The following DIDO1 variants were observed in gnomAD, a reference collection of about 807,000 sequenced individuals.
DIDO1 encodes the protein death inducer-obliterator 1, also known as death-inducer obliterator 1.
In DIDO1, 16 loss-of-function variants were observed where a neutral mutation model predicts 99.4. The observed-to-expected ratio is 0.16, with a 90% CI of 0.11 to 0.24. The LOEUF is 0.24. Ranked by LOEUF, DIDO1 falls within the 10% of genes least tolerant of loss-of-function variation. The pLI is 1.00. For synonymous variants in DIDO1, 1,366 were observed against 1,239.1 expected (o/e 1.10, Z -2.15); for missense variants, 2,996 against 3,014.0 (o/e 0.99, Z 0.14).
chr20:62,902,975 G>C (rs1378649819), intron 6 of DIDO1, among the ~76,000 whole-genome samples: 2 of 151,910 alleles, frequency 1.3e-5, no homozygotes, highest in Non-Finnish European at 2.9e-5. Context: ...TAGTCAGTCA[G>C]GTACATCTCA....
At position 62,881,898 on chromosome 20, in the gene DIDO1, C is replaced by G. The variant is rs753349222; in HGVS notation, c.4058G>C (p.Gly1353Ala). The G allele has an allele frequency of 1.2e-6, 2 of 1,613,384 alleles. No individual in the cohort carries two copies. The highest frequency in any genetic ancestry group is 2.2e-5 in the East Asian group (1 of 44,892). The change falls in exon 16 of 16, where the codon GGG becomes GCG. Residue 1353 changes from glycine (G) to alanine (A), a missense_variant. Physicochemically the swap from Gly to Ala is moderately conservative, Grantham distance 60. This residue lies in a region of DIDO1 where 1,562 missense variants were observed against 1,412.6 expected (regional missense o/e 1.11). Transcript: ENST00000395343. The surrounding 1 kb of genome is among the most constrained non-coding windows in gnomAD (Gnocchi z 8.3). Reference protein sequence around the residue: ...PQEPKTTAEDGVPAPPLLDPI... With the variant: ...PQEPKTTAEDAVPAPPLLDPI... Reference sequence around the variant, plus strand: ...ATCTAACAACGGAGGTGCCGGCACCCCGTCCTCTGCTGTGGTTTTGGGCTC... The same window carrying G: ...ATCTAACAACGGAGGTGCCGGCACCGCGTCCTCTGCTGTGGTTTTGGGCTC...
intron 14 of DIDO1, among the ~76,000 whole-genome samples, chr20:62,891,607 AG>A: frequency 6.6e-6 from 1 of 152,326 alleles, no homozygotes; most frequent in East Asian, 1.9e-4. Flanking sequence ...CCCCTGCAAA[AG>A]ACACCTTCTG....
At chr20:62,889,042 G>A (rs2064346584) in intron 15 of DIDO1, 8 of 985,384 alleles carry the variant, frequency 8.1e-6, no homozygotes, top group African/African-American at 1.7e-5. Flanking sequence ...TCCCCGTCAG[G>A]CGGCGTCGTG....
intron 15 of DIDO1, 43 bp downstream of exon 15, chr20:62,890,917 G>C: frequency 6.2e-7 from 1 of 1,612,336 alleles, no homozygotes. Context: ...GAGGGGTGCA[G>C]GTGCAGGTGG....
intron 1 of DIDO1, among the ~76,000 whole-genome samples, chr20:62,934,654 G>C (rs1023316645): frequency 6.6e-6 from 1 of 152,000 alleles, no homozygotes; most frequent in Non-Finnish European, 1.5e-5. Context: ...AACATACTAC[G>C]CTGTCTTCAC....
Position 62,880,754 on chromosome 20 carries a change from G to C in DIDO1, c.5202C>G (p.Ala1734=). Residue 1734 remains alanine, a synonymous_variant, in exon 16 of 16, where the codon GCC becomes GCG. Coordinates refer to ENST00000395343, the MANE Select transcript of DIDO1 (RefSeq NM_001193369.2). The part of the protein sequence containing the change: ...EPQARPGEGT[A]PLPPPGQKVG... ...CTTTCTGTCCTGGTGGGGGGAGCGG[G>C]GCGGTGCCCTCGCCGGGTCTGGCCT... 6.2e-7 allele frequency: 1 copy of C among 1,612,734 alleles called. No individual in the cohort carries two copies. Among genetic ancestry groups the C allele is most frequent in the Non-Finnish European group, 8.5e-7 (1 of 1,179,902 alleles).
At chr20:62,924,620 A>C (rs2065218228) in intron 1 of DIDO1, among the ~76,000 whole-genome samples, 1 of 152,190 alleles carries the variant, frequency 6.6e-6, no homozygotes, top group South Asian at 2.1e-4. Flanking sequence ...TGCCCATTCC[A>C]ATCATTTCCT....
chr20:62,918,894 G>A (rs1194721215), intron 1 of DIDO1, among the ~76,000 whole-genome samples: 2 of 152,108 alleles, frequency 1.3e-5, no homozygotes, highest in Admixed American at 1.3e-4. Context: ...ACAAATGAAG[G>A]AAAGATTACC....
rs1237328646 is a variant in DIDO1 at position 62,885,300 on chromosome 20, G to A, written c.3542-2886C>T. Among the ~76,000 whole-genome samples, 4 of 152,258 alleles carry A rather than the reference G, an allele frequency of 2.6e-5. No individual in the cohort carries two copies. In the South Asian group the frequency reaches 8.3e-4, roughly 32 times the overall value. On this transcript the variant is annotated intron_variant, in intron 15 of 15. Transcript: ENST00000395343. ...GGCCTCGTGTGGGGAAGTTACCTGG[G>A]GAAGCCTAGTGCTGACTCTGACACA... is the stretch of plus-strand genomic sequence containing the variant.
rs1342674030 is a variant in DIDO1, at chr20:62,880,262, A to T, written c.5694T>A (p.Ser1898=). 1 of 1,612,578 alleles carries T rather than the reference A, an allele frequency of 6.2e-7. No homozygotes were observed. Among genetic ancestry groups the T allele is most frequent in the Non-Finnish European group, 8.5e-7 (1 of 1,179,944 alleles). ...QFGGQRRPLL[S]QLKGPRGGPP... ...GGCCGCCTCGGGGGCCTTTCAGCTGAGACAGCAGTGGCCTTCTCTGGCCTC... is the reference window on the plus strand; with the variant it reads ...GGCCGCCTCGGGGGCCTTTCAGCTGTGACAGCAGTGGCCTTCTCTGGCCTC... The change falls in exon 16 of 16, where the codon TCT becomes TCA. Residue 1898 remains serine (S), a synonymous_variant. Coordinates refer to ENST00000395343, the MANE Select transcript of DIDO1 (RefSeq NM_001193369.2).
chr20:62,927,270 G>T (rs1206852642), upstream of DIDO1, among the ~76,000 whole-genome samples: 1 of 152,250 alleles, frequency 6.6e-6, no homozygotes, highest in Non-Finnish European at 1.5e-5. Flanking sequence ...CTCAAAGAAC[G>T]CATGGACATG....
chr20:62,927,455 G>C (rs1422894067), upstream of DIDO1, among the ~76,000 whole-genome samples: 1 of 152,234 alleles, frequency 6.6e-6, no homozygotes, highest in African/African-American at 2.4e-5. Flanking sequence ...GACTGGGAGG[G>C]GGCAGGAGGG....
At chr20:62,905,221 C>T (rs972897827) in intron 6 of DIDO1, 3 of 1,185,994 alleles carry the variant, frequency 2.5e-6, no homozygotes, top group Non-Finnish European at 3.1e-6. Context: ...ACGCGTCCTG[C>T]GGTCAGGACA....
chr20:62,916,844 G>C (rs2065046901), intron 1 of DIDO1, among the ~76,000 whole-genome samples: 1 of 152,180 alleles, frequency 6.6e-6, no homozygotes, highest in South Asian at 2.1e-4. Context: ...AAAGTTAGCT[G>C]AAACAGAATT....
At chr20:62,901,688 T>A (rs2064685236) in intron 6 of DIDO1, among the ~76,000 whole-genome samples, 1 of 152,106 alleles carries the variant, frequency 6.6e-6, no homozygotes, top group African/African-American at 2.4e-5. Context: ...CTCTTCCAGG[T>A]TTGCGGCAAA....
At chr20:62,916,299 T>G (rs1235789028) in intron 1 of DIDO1, among the ~76,000 whole-genome samples, 1 of 152,138 alleles carries the variant, frequency 6.6e-6, no homozygotes, top group Non-Finnish European at 1.5e-5. Context: ...AAATTTAATA[T>G]TTCCACATTT....
Position 62,896,774 on chromosome 20 carries a change from G to A in DIDO1, c.1811C>T (p.Pro604Leu), listed in dbSNP as rs753933307. Residue 604 changes from proline (P) to leucine (L), a missense_variant, in exon 7 of 16, where the codon CCA (proline) becomes CTA (leucine). Around this residue, in one of 5 missense-constraint regions of DIDO1, gnomAD observed 898 missense variants for 972.7 expected, o/e 0.92. Transcript: ENST00000395343. The surrounding 1 kb of genome is among the most constrained non-coding windows in gnomAD (Gnocchi z 4.4). ...CCTGGCAGCTGAAGCACCACTCGAT[G>A]GGGTAGCGGAGAGCCATGGCCTCTT... ...IPKRPWLSAT[P>L]SSGASAARQA... The A allele has an allele frequency of 6.2e-7, 1 of 1,613,940 alleles. No individual in the cohort carries two copies. Among genetic ancestry groups the A allele is most frequent in the South Asian group, 1.1e-5 (1 of 91,090 alleles).
At position 62,892,023 on chromosome 20, in the gene DIDO1, C is replaced by G; in HGVS notation, c.3309G>C (p.Trp1103Cys). Residue 1103 changes from tryptophan to cysteine, a missense_variant, in exon 14 of 16, where the codon TGG (tryptophan) becomes TGC (cysteine). Physicochemically the swap from Trp to Cys is radical, Grantham distance 215. Around this residue, in one of 5 missense-constraint regions of DIDO1, gnomAD observed 135 missense variants for 202.3 expected, o/e 0.67. Coordinates refer to ENST00000395343, the MANE Select transcript of DIDO1 (RefSeq NM_001193369.2). ...IGGRIAPKTV[W>C]DYVGKLKSSV... ...AAGACTTGAGTTTGCCAACATAATC[C>G]CAAACTGTCTTCGGTGCGATCCTCC... is the stretch of plus-strand genomic sequence containing the variant. 1 of 1,613,216 alleles carries G rather than the reference C, an allele frequency of 6.2e-7. No homozygotes were observed. The highest frequency in any genetic ancestry group is 8.5e-7 in the Non-Finnish European group (1 of 1,179,888).
rs1419786928 is a variant in DIDO1 at position 62,880,659 on chromosome 20, AG to A, written c.5296del (p.Leu1766PhefsTer98). 1.2e-6 allele frequency: 2 copies of A among 1,612,824 alleles called. No individual in the cohort carries two copies. The highest frequency in any genetic ancestry group is 1.7e-6 in the Non-Finnish European group (2 of 1,179,976). ...TGGTCCCGGGAAATTGGGGCCGTGA[AG>A]CCCTGACATCCCCAAAGCATGAGGT... ...PGPHALGMSG[L>X]HGPNFPGPRG... is the part of the protein sequence containing the mutation. On this transcript the variant is annotated frameshift_variant, in exon 16 of 16. Transcript: ENST00000395343. LOFTEE classifies it low-confidence loss of function (END_TRUNC).
Sources: allele counts gnomAD v4.1 joint callset (sites outside exome capture counted in the v4.1 genomes callset), GRCh38; gene constraint gnomAD v4.1.1; regional missense constraint gnomAD v4.1.1; non-coding constraint Gnocchi (gnomAD v3.1); transcripts MANE v1.5; gene names NCBI Gene and HGNC (gene_info 2026-07-23, HGNC 2026-07-21).